CLEC12B: variants seen among roughly 807,000 people sequenced by gnomAD.
The protein encoded by CLEC12B is C-type lectin domain family 12 member B.
Under a neutral mutation model 36.1 loss-of-function variants are expected in CLEC12B, and 25 were observed. The observed-to-expected ratio is 0.69, with a 90% confidence interval of 0.50 to 0.97. CLEC12B has a LOEUF of 0.97. Among genes scored for constraint, CLEC12B ranks in the 50% least tolerant of loss-of-function variants. The pLI is 0.00. For synonymous variants in CLEC12B, 110 were observed against 108.5 expected (o/e 1.01, Z -0.09); for missense variants, 325 against 318.4 (o/e 1.02, Z -0.16).
At chr12:10,017,622 A>G (rs1190209441) in intron 5 of CLEC12B, 4 of 985,692 alleles carry the variant, frequency 4.1e-6, no homozygotes, top group Non-Finnish European at 4.8e-6. Flanking sequence ...TTCCTTGACT[A>G]CTGAGTAAAG....
upstream of CLEC12B, among the ~76,000 whole-genome samples, chr12:10,009,575 C>A (rs148475864): frequency 4.1e-3 from 567 of 139,242 alleles, 2 homozygotes; most frequent in African/African-American, 0.013. Flanking sequence ...AAAAAAAAAA[C>A]AAAAAACATG....
chr12:10,015,891 C>A, intron 5 of CLEC12B, 164 bp downstream of exon 5: 2 of 1,422,804 alleles, frequency 1.4e-6, no homozygotes. Flanking sequence ...TTCATTTCAT[C>A]TCTGTGACAA....
intron 2 of CLEC12B, among the ~76,000 whole-genome samples, chr12:10,013,834 T>C (rs142009860): frequency 6.6e-6 from 1 of 152,330 alleles, no homozygotes; most frequent in African/African-American, 2.4e-5. Context: ...CAGTAACAGA[T>C]ATTCTGGAGC....
intron 5 of CLEC12B, chr12:10,016,007 G>A: frequency 1.8e-6 from 2 of 1,093,140 alleles, no homozygotes; most frequent in Non-Finnish European, 2.2e-6. Context: ...ACTAACCCTT[G>A]AAGAAAGCAG....
chr12:10,010,196 TCTCTCACA>T (rs1420357157), upstream of CLEC12B, among the ~76,000 whole-genome samples: 395 of 67,470 alleles, frequency 5.9e-3, 3 homozygotes, highest in African/African-American at 0.017. Context: ...TCTCTGTCTC[TCTCTCACA>T]CACACACACA....
upstream of CLEC12B, among the ~76,000 whole-genome samples, chr12:10,009,097 C>T (rs775204473): frequency 9.9e-5 from 15 of 152,112 alleles, no homozygotes; most frequent in Middle Eastern, 6.8e-3. Flanking sequence ...ACGACAGAAA[C>T]GGAACATGGA....
rs557743310 is a variant in CLEC12B at position 10,010,700 on chromosome 12, C to T, written c.-60C>T. ...CCAGCCTTGAAAAACACATGCTGTT[C>T]CCAGGCCTCAAGATATTGAAACATT... On this transcript the variant is annotated 5_prime_UTR_variant, in exon 1 of 6. Coordinates refer to ENST00000338896, the MANE Select transcript of CLEC12B (RefSeq NM_001129998.3). 114 of 1,126,674 alleles carry T rather than the reference C, an allele frequency of 1.0e-4. No individual in the cohort carries two copies. The highest frequency in any genetic ancestry group is 2.0e-4 in the Middle Eastern group (1 of 5,004). 69.8% of individuals were successfully genotyped at this position (1,126,674 alleles called of 1,614,324 possible).
chr12:10,012,896 G>C lies in CLEC12B; in HGVS notation c.190+13G>C. ...TTGGGGATGATGTGTAAGTATATCAGCATCAAACCCAACAAAGGCAACTAG... is the reference window on the plus strand; with the variant it reads ...TTGGGGATGATGTGTAAGTATATCACCATCAAACCCAACAAAGGCAACTAG... On this transcript the variant is annotated intron_variant, in intron 2 of 5. Transcript: ENST00000338896. 1 of 1,571,752 alleles carries C rather than the reference G, an allele frequency of 6.4e-7. No individual in the cohort carries two copies. Among genetic ancestry groups the C allele is most frequent in the Non-Finnish European group, 8.8e-7 (1 of 1,141,636 alleles).
Position 10,018,503 on chromosome 12 carries a change from A to G in CLEC12B, c.*22A>G, listed in dbSNP as rs1003357951. ...TTAGTATGCTTCTTCCAAATTCTCC[A>G]AGAAGTAAGAGACTTGTGAGTAAGC... On this transcript the variant is annotated 3_prime_UTR_variant, in exon 6 of 6. Coordinates refer to ENST00000338896, the MANE Select transcript of CLEC12B (RefSeq NM_001129998.3). 5.8e-6 allele frequency: 9 copies of G among 1,543,834 alleles called. No individual in the cohort carries two copies. The African/African-American group carries it at 1.1e-4, about 19-fold the overall frequency.
At chr12:10,016,062 A>G (rs1865480683) in intron 5 of CLEC12B, 1 of 877,964 alleles carries the variant, frequency 1.1e-6, no homozygotes, top group Non-Finnish European at 1.4e-6. Flanking sequence ...TAGAGAGATT[A>G]AGTAACTTGC....
intron 5 of CLEC12B, chr12:10,016,052 T>A (rs1198149425): frequency 1.1e-6 from 1 of 926,328 alleles, no homozygotes; most frequent in Non-Finnish European, 1.3e-6. Context: ...AATATTATAA[T>A]AGAGAGATTA....
chr12:10,010,723 A>T lies in CLEC12B; in HGVS notation c.-37A>T, dbSNP rs201032977. Reference sequence around the variant, plus strand: ...TTCCCAGGCCTCAAGATATTGAAACATTAATTAGATAATTTAAAGTAGCGT... The same window carrying T: ...TTCCCAGGCCTCAAGATATTGAAACTTTAATTAGATAATTTAAAGTAGCGT... On this transcript the variant is annotated 5_prime_UTR_variant, in exon 1 of 6. Transcript: ENST00000338896. The T allele has an allele frequency of 7.4e-7, 1 of 1,349,650 alleles. No homozygotes were observed. Among genetic ancestry groups the T allele is most frequent in the East Asian group, 2.3e-5 (1 of 43,484 alleles). The allele number at this position is 1,349,650 out of a possible 1,614,324, so 83.6% of individuals were successfully genotyped here.
chr12:10,010,889 G>T (rs1371792502), intron 1 of CLEC12B, 39 bp downstream of exon 1: 1 of 1,353,302 alleles, frequency 7.4e-7, no homozygotes, highest in Admixed American at 1.8e-5. Context: ...CCTTGGGGGA[G>T]TGGACAGGTG....
chr12:10,018,530 C>T lies in CLEC12B; in HGVS notation c.*49C>T. On this transcript the variant is annotated 3_prime_UTR_variant, in exon 6 of 6. Coordinates refer to ENST00000338896, the MANE Select transcript of CLEC12B (RefSeq NM_001129998.3). ...GAAGTAAGAGACTTGTGAGTAAGCTCATATGAGGAAAGAGGAAACTACGGT... is the reference window on the plus strand; with the variant it reads ...GAAGTAAGAGACTTGTGAGTAAGCTTATATGAGGAAAGAGGAAACTACGGT... 2.0e-6 allele frequency: 3 copies of T among 1,481,068 alleles called. No individual in the cohort carries two copies. The East Asian group carries it at 7.5e-5, about 37-fold the overall frequency. The allele number at this position is 1,481,068 out of a possible 1,614,324, so 91.7% of individuals were successfully genotyped here.
chr12:10,009,349 G>T (rs1001158510), upstream of CLEC12B, among the ~76,000 whole-genome samples: 1 of 152,174 alleles, frequency 6.6e-6, no homozygotes, highest in African/African-American at 2.4e-5. Context: ...ACACGGACCA[G>T]AACAGAGATA....
chr12:10,010,789 C>T lies in CLEC12B; in HGVS notation c.30C>T (p.Leu10=). The T allele has an allele frequency of 6.2e-7, 1 of 1,610,474 alleles. No homozygotes were observed. Among genetic ancestry groups the T allele is most frequent in the African/African-American group, 1.3e-5 (1 of 74,932 alleles). MSEEVTYAT[L]TFQDSAGARN... ...CTGAAGAAGTGACCTACGCGACACT[C>T]ACATTTCAGGATTCTGCTGGAGCAA... The change falls in exon 1 of 6, where the codon CTC becomes CTT. Residue 10 remains leucine, a synonymous_variant. Coordinates refer to ENST00000338896, the MANE Select transcript of CLEC12B (RefSeq NM_001129998.3).
Position 10,017,335 on chromosome 12 carries a change from G to A in CLEC12B, c.681-996G>A, listed in dbSNP as rs373561304. 144 of 985,330 alleles carry A rather than the reference G, an allele frequency of 1.5e-4. No individual in the cohort carries two copies. The African/African-American group carries it at 2.4e-3, about 16-fold the overall frequency. 61.0% of individuals were successfully genotyped at this position (985,330 alleles called of 1,614,324 possible). ...TATGAACTGATTAATATTAATCTGA[G>A]GTGTTGCTACTAGACTGAGGGTTTC... On this transcript the variant is annotated intron_variant, in intron 5 of 5. Coordinates refer to ENST00000338896, the MANE Select transcript of CLEC12B (RefSeq NM_001129998.3).
upstream of CLEC12B, among the ~76,000 whole-genome samples, chr12:10,006,860 C>G (rs1313859257): frequency 2.0e-5 from 3 of 152,004 alleles, no homozygotes; most frequent in African/African-American, 7.3e-5. Flanking sequence ...TCGAGACCAT[C>G]CTGGCTAACA....
upstream of CLEC12B, among the ~76,000 whole-genome samples, chr12:10,007,127 T>C (rs1865239324): frequency 6.6e-6 from 1 of 151,274 alleles, no homozygotes; most frequent in Admixed American, 6.6e-5. Flanking sequence ...CTAATTAGAA[T>C]AGGTTTGGGA....
Sources: gnomAD v4.1 joint callset for allele counts (sites outside exome capture counted in the v4.1 genomes callset) on GRCh38, gnomAD v4.1.1 for gene constraint, MANE v1.5 for transcripts, NCBI Gene and HGNC (gene_info 2026-07-23, HGNC 2026-07-21) for gene names.